Variants in CERS6 observed in about 807,000 individuals in gnomAD.
CERS6 encodes ceramide synthase 6.
CERS6 carries 26 observed loss-of-function variants against 56.8 expected under a neutral mutation model. The ratio of observed to expected loss-of-function variants is 0.46; its 90% confidence interval spans 0.34 to 0.63. The LOEUF (loss-of-function observed/expected upper bound fraction) is 0.63, where lower values mean the gene tolerates loss of function less well. CERS6 is among the 30% of genes least tolerant of loss of function. CERS6 has a pLI of 0.01. For synonymous variants in CERS6, 164 were observed against 173.3 expected (o/e 0.95, Z 0.42); for missense variants, 415 against 467.5 (o/e 0.89, Z 1.04).
chr2:168,630,836 A>C (rs907822033), intron 3 of CERS6, 149 bp from the exon 4 acceptor site: 2 of 429,472 alleles, frequency 4.7e-6, no homozygotes, highest in Non-Finnish European at 8.4e-6. Flanking sequence ...GGCTTCAGCT[A>C]GCACTGAAAT....
rs150188654 is a variant in CERS6, at chr2:168,730,002, A to G, written c.845+12024A>G. On this transcript the variant is annotated intron_variant, in intron 8 of 9. Coordinates refer to ENST00000305747, the MANE Select transcript of CERS6 (RefSeq NM_203463.3). ...AAAAACCATCAATAAATATTTGTTAAATGGAGAATGAAATTTTAGCGTTTC... is the reference window on the plus strand; with the variant it reads ...AAAAACCATCAATAAATATTTGTTAGATGGAGAATGAAATTTTAGCGTTTC... Among the ~76,000 whole-genome samples, 15 of 152,322 alleles carry G rather than the reference A, an allele frequency of 9.8e-5. No homozygotes were observed. In the East Asian group the frequency reaches 2.9e-3, roughly 29 times the overall value.
intron 3 of CERS6, among the ~76,000 whole-genome samples, chr2:168,567,092 T>C (rs1695898282): frequency 6.6e-6 from 1 of 152,174 alleles, no homozygotes; most frequent in Non-Finnish European, 1.5e-5. Flanking sequence ...GGGGAAAAAA[T>C]CATAAGATTG....
At chr2:168,509,798 C>T (rs927863077) in intron 1 of CERS6, among the ~76,000 whole-genome samples, 8 of 152,134 alleles carry the variant, frequency 5.3e-5, no homozygotes, top group Non-Finnish European at 1.0e-4. Context: ...CAGTGGCTCA[C>T]GCCTGTAATC....
chr2:168,766,366 C>CT (rs781684736), intron 9 of CERS6: 1 of 1,596,554 alleles, frequency 6.3e-7, no homozygotes, highest in Non-Finnish European at 8.5e-7. Context: ...CCTCCTCTCT[C>CT]TCTATCCCTG....
At chr2:168,732,913 T>G (rs1683587451) in intron 8 of CERS6, among the ~76,000 whole-genome samples, 1 of 152,212 alleles carries the variant, frequency 6.6e-6, no homozygotes, top group Non-Finnish European at 1.5e-5. Flanking sequence ...GTTGTGTGTT[T>G]ACAATGCAAA....
intron 4 of CERS6, among the ~76,000 whole-genome samples, chr2:168,688,997 A>G (rs946054096): frequency 7.9e-5 from 12 of 152,164 alleles, no homozygotes; most frequent in African/African-American, 2.9e-4. Context: ...ATTTAGAGTT[A>G]TACCTTGCCC....
At chr2:168,699,009 A>T (rs1243713100) in intron 6 of CERS6, among the ~76,000 whole-genome samples, 3 of 152,174 alleles carry the variant, frequency 2.0e-5, no homozygotes, top group African/African-American at 4.8e-5. Flanking sequence ...GGCCGCTACC[A>T]GGCATGCTTA....
intron 1 of CERS6, among the ~76,000 whole-genome samples, chr2:168,517,373 T>A (rs1694900362): frequency 6.6e-6 from 1 of 151,836 alleles, no homozygotes; most frequent in Non-Finnish European, 1.5e-5. Flanking sequence ...GTGCCTGTAA[T>A]CCCAGCTATT....
chr2:168,715,643 G>T (rs1330795888), intron 7 of CERS6, among the ~76,000 whole-genome samples: 3 of 151,924 alleles, frequency 2.0e-5, no homozygotes, highest in Non-Finnish European at 2.9e-5. Flanking sequence ...GAATATCTGT[G>T]GAAATATTGG....
intron 3 of CERS6, among the ~76,000 whole-genome samples, chr2:168,573,926 A>T (rs1425077827): frequency 6.6e-6 from 1 of 152,188 alleles, no homozygotes; most frequent in African/African-American, 2.4e-5. Context: ...GTAGTATTTT[A>T]TGAGAAGGTA....
At chr2:168,567,094 A>G (rs1038870667) in intron 3 of CERS6, among the ~76,000 whole-genome samples, 2 of 152,230 alleles carry the variant, frequency 1.3e-5, no homozygotes, top group African/African-American at 2.4e-5. Flanking sequence ...GGAAAAAATC[A>G]TAAGATTGGT....
chr2:168,630,826 G>A (rs1477562648), intron 3 of CERS6, among the ~76,000 whole-genome samples, 159 bp from the exon 4 acceptor site: 1 of 152,126 alleles, frequency 6.6e-6, no homozygotes, highest in East Asian at 1.9e-4. Context: ...ACCAGTGTAT[G>A]GCTTCAGCTA....
chr2:168,678,221 C>T (rs527612142), intron 4 of CERS6, among the ~76,000 whole-genome samples: 1 of 152,186 alleles, frequency 6.6e-6, no homozygotes, highest in Admixed American at 6.5e-5. Flanking sequence ...AGAGTTTTGA[C>T]TTCATACCTT....
intron 1 of CERS6, among the ~76,000 whole-genome samples, chr2:168,460,478 T>C (rs1693759556): frequency 6.6e-6 from 1 of 152,210 alleles, no homozygotes; most frequent in African/African-American, 2.4e-5. Flanking sequence ...ATTATAGGTG[T>C]GAGCCCCTGC....
chr2:168,629,203 G>T (rs1684656372), intron 3 of CERS6, among the ~76,000 whole-genome samples: 1 of 152,190 alleles, frequency 6.6e-6, no homozygotes, highest in Non-Finnish European at 1.5e-5. Context: ...ATACATAAAT[G>T]ATGGTAGGAA....
intron 1 of CERS6, among the ~76,000 whole-genome samples, chr2:168,483,474 A>T (rs758481323): frequency 2.6e-5 from 4 of 152,174 alleles, no homozygotes; most frequent in Non-Finnish European, 5.9e-5. Flanking sequence ...GGAGTCTTTG[A>T]ATTTTTTGTT....
At chr2:168,602,941 C>T (rs1280211585) in intron 3 of CERS6, among the ~76,000 whole-genome samples, 1 of 152,212 alleles carries the variant, frequency 6.6e-6, no homozygotes, top group African/African-American at 2.4e-5. Flanking sequence ...AAACATGTTG[C>T]AGCTAATTTG....
At chr2:168,762,366 G>A (rs886171975) in intron 8 of CERS6, among the ~76,000 whole-genome samples, 1 of 152,132 alleles carries the variant, frequency 6.6e-6, no homozygotes, top group Non-Finnish European at 1.5e-5. Context: ...GGAGCTTCCA[G>A]AATAGTGTTA....
At chr2:168,634,196 G>A (rs1684812152) in intron 4 of CERS6, among the ~76,000 whole-genome samples, 1 of 152,206 alleles carries the variant, frequency 6.6e-6, no homozygotes, top group Non-Finnish European at 1.5e-5. Context: ...TTGAAAGTAA[G>A]CCTGACAATA....
Sources: gnomAD v4.1 joint callset for allele counts (sites outside exome capture counted in the v4.1 genomes callset) on GRCh38, gnomAD v4.1.1 for gene constraint, MANE v1.5 for transcripts, NCBI Gene and HGNC (gene_info 2026-07-23, HGNC 2026-07-21) for gene names.